Variants in RPS6KC1 observed in about 807,000 individuals in gnomAD.
The protein encoded by RPS6KC1 is ribosomal protein S6 kinase C1.
Under a neutral mutation model 103.8 loss-of-function variants are expected in RPS6KC1, and 54 were observed. That is an observed-to-expected ratio of 0.52 (90% CI 0.42 to 0.65). The LOEUF is 0.65. RPS6KC1 is among the 30% of genes least tolerant of loss of function. RPS6KC1 has a pLI of 0.00. For synonymous variants in RPS6KC1, 439 were observed against 438.7 expected, an observed-to-expected ratio of 1.00 and a Z score of -0.01; for missense variants, 1,151 against 1,253.8, an observed-to-expected ratio of 0.92 and a Z score of 1.24.
chr1:213,638,643 C>A, the RPS6KC1 span, among the ~76,000 whole-genome samples: 1 of 152,038 alleles, frequency 6.6e-6, no homozygotes, highest in East Asian at 1.9e-4. Context: ...TGCTTTTGCA[C>A]TTTTGTCACA....
the RPS6KC1 span, among the ~76,000 whole-genome samples, chr1:213,339,734 A>G: frequency 6.6e-6 from 1 of 152,182 alleles, no homozygotes; most frequent in Non-Finnish European, 1.5e-5. Flanking sequence ...AGGCTGCCTT[A>G]GATGTGGTAT....
chr1:213,178,287 C>G (rs148195368), intron 8 of RPS6KC1, among the ~76,000 whole-genome samples: 1,816 of 151,750 alleles, frequency 0.012, 33 homozygotes, highest in African/African-American at 0.042. Context: ...TGCCTGTAAT[C>G]TCAGCACTCT....
At chr1:213,282,672 GTCA>G in the RPS6KC1 span, among the ~76,000 whole-genome samples, 1 of 152,196 alleles carries the variant, frequency 6.6e-6, no homozygotes, top group South Asian at 2.1e-4. Context: ...ATTAACTCTT[GTCA>G]TCATTGATGA....
At chr1:213,647,136 C>G in the RPS6KC1 span, among the ~76,000 whole-genome samples, 2 of 152,090 alleles carry the variant, frequency 1.3e-5, no homozygotes, top group Non-Finnish European at 2.9e-5. Context: ...GTCTCGAACT[C>G]CTGACCTCAG....
chr1:213,278,577 G>C (rs543527728), downstream of RPS6KC1, among the ~76,000 whole-genome samples: 2 of 152,104 alleles, frequency 1.3e-5, no homozygotes, highest in Non-Finnish European at 2.9e-5. Context: ...CTCTTCCCCC[G>C]ACCGTATGCT....
chr1:213,357,906 G>GCC, the RPS6KC1 span, among the ~76,000 whole-genome samples: 28 of 152,236 alleles, frequency 1.8e-4, no homozygotes, highest in Middle Eastern at 3.4e-3. Context: ...CGCTTGGCAT[G>GCC]AGGCATACGA....
chr1:213,579,706 GCTCATTTACCATTCCAAAAATTCT>G, the RPS6KC1 span, among the ~76,000 whole-genome samples: 1 of 151,954 alleles, frequency 6.6e-6, no homozygotes, highest in African/African-American at 2.4e-5. Flanking sequence ...TGGAACTGAT[GCTCATTTACCATTCCAAAAATTCT>G]AGAGCCCTTA....
chr1:213,704,314 G>T, the RPS6KC1 span, among the ~76,000 whole-genome samples: 1 of 149,524 alleles, frequency 6.7e-6, no homozygotes, highest in Admixed American at 6.6e-5. Context: ...GTGAACCCCA[G>T]GGGGCGGAGC....
chr1:213,785,755 T>C, the RPS6KC1 span, among the ~76,000 whole-genome samples: 6 of 152,160 alleles, frequency 3.9e-5, 1 homozygote, highest in South Asian at 1.2e-3. Context: ...TAGGAAGCAA[T>C]GAAAATCATT....
the RPS6KC1 span, among the ~76,000 whole-genome samples, chr1:213,361,074 C>T: frequency 6.6e-6 from 1 of 152,220 alleles, no homozygotes; most frequent in Admixed American, 6.5e-5. Flanking sequence ...AACCACTACT[C>T]TCTTCAGAGC....
the RPS6KC1 span, among the ~76,000 whole-genome samples, chr1:213,729,667 C>T: frequency 2.0e-5 from 3 of 152,126 alleles, no homozygotes; most frequent in African/African-American, 7.2e-5. Context: ...GCTTCTGGGC[C>T]GTGATTCCTT....
rs78983245 is a variant in RPS6KC1 at position 213,165,053 on chromosome 1, A to G, written c.836-2805A>G. Among the ~76,000 whole-genome samples the G allele has an allele frequency of 1.2e-4, 18 of 152,280 alleles. No individual in the cohort carries two copies. The East Asian group carries it at 3.5e-3, about 29-fold the overall frequency. On this transcript the variant is annotated intron_variant, in intron 6 of 14. Coordinates refer to ENST00000366960, the MANE Select transcript of RPS6KC1 (RefSeq NM_012424.6). ...AGTCACATTTGTCAATAATTTGACT[A>G]GTTAGAAATATCCTGGAAATCTATA...
chr1:213,224,008 AT>A (rs2148808232), intron 8 of RPS6KC1, among the ~76,000 whole-genome samples: 1 of 152,292 alleles, frequency 6.6e-6, no homozygotes, highest in East Asian at 1.9e-4. Flanking sequence ...ATCTAAAAAG[AT>A]TCATGAATGG....
chr1:213,682,837 G>T, the RPS6KC1 span, among the ~76,000 whole-genome samples: 1 of 152,064 alleles, frequency 6.6e-6, no homozygotes, highest in Non-Finnish European at 1.5e-5. Context: ...TTCACATTTT[G>T]GTATATAATC....
the RPS6KC1 span, among the ~76,000 whole-genome samples, chr1:213,306,482 AAT>A: frequency 1.3e-5 from 2 of 152,368 alleles, no homozygotes; most frequent in South Asian, 4.1e-4. Context: ...TTTGTTTACA[AAT>A]ATGTGAAGCT....
the RPS6KC1 span, among the ~76,000 whole-genome samples, chr1:213,760,298 T>TA: frequency 1.1e-4 from 17 of 152,142 alleles, no homozygotes; most frequent in African/African-American, 4.1e-4. Context: ...TTACAGTGGT[T>TA]AAAAAAGAAT....
the RPS6KC1 span, among the ~76,000 whole-genome samples, chr1:213,457,259 A>C: frequency 6.6e-6 from 1 of 152,152 alleles, no homozygotes; most frequent in African/African-American, 2.4e-5. Flanking sequence ...CCAAGTGAGA[A>C]ACTTCCAGCT....
chr1:213,701,735 A>G, the RPS6KC1 span, among the ~76,000 whole-genome samples: 1 of 151,948 alleles, frequency 6.6e-6, no homozygotes, highest in Admixed American at 6.6e-5. Context: ...GATTCTTTGA[A>G]TTTCTACAGT....
the RPS6KC1 span, among the ~76,000 whole-genome samples, chr1:213,508,927 A>T: frequency 6.6e-6 from 1 of 152,196 alleles, no homozygotes; most frequent in Non-Finnish European, 1.5e-5. Flanking sequence ...GAATTCATGG[A>T]TAGTGGCTTG....
Sources: allele counts gnomAD v4.1 joint callset (sites outside exome capture counted in the v4.1 genomes callset), GRCh38; gene constraint gnomAD v4.1.1; transcripts MANE v1.5; gene names NCBI Gene and HGNC (gene_info 2026-07-23, HGNC 2026-07-21).